PARVB: variants seen among roughly 807,000 people sequenced by gnomAD.
The protein encoded by PARVB is parvin beta.
A neutral mutation model predicts 47.0 loss-of-function variants in PARVB; 46 were observed. That is an observed-to-expected ratio of 0.98 (90% confidence interval 0.77 to 1.25). PARVB has a LOEUF of 1.25. PARVB is among the 50% of genes most tolerant of loss of function. The pLI is 0.00. For synonymous variants in PARVB, 196 were observed against 196.3 expected (o/e 1.00, Z 0.01); for missense variants, 473 against 471.6 (o/e 1.00, Z -0.03).
chr22:44,029,988 G>T (rs1234883849), intron 1 of PARVB, among the ~76,000 whole-genome samples: 1 of 152,190 alleles, frequency 6.6e-6, no homozygotes, highest in African/African-American at 2.4e-5. Context: ...AAGTTTCTTT[G>T]TGGACTTTAA....
intron 1 of PARVB, among the ~76,000 whole-genome samples, chr22:44,087,545 G>A (rs1266332216): frequency 6.6e-6 from 1 of 152,116 alleles, no homozygotes; most frequent in East Asian, 1.9e-4. Context: ...TGTGTTTTCA[G>A]ATTTCTTCTC....
rs1177301012 is a variant in PARVB, at chr22:44,169,405, G to A, written c.*727G>A. ...GGACGTTTCTTAATTTCTTGCTGTGGTTGAGGGGCTGGGTCTGGAGATGGC... is the reference window on the plus strand; with the variant it reads ...GGACGTTTCTTAATTTCTTGCTGTGATTGAGGGGCTGGGTCTGGAGATGGC... On this transcript the variant is annotated 3_prime_UTR_variant, in exon 13 of 13. Coordinates refer to ENST00000338758, the MANE Select transcript of PARVB (RefSeq NM_013327.5). 6.7e-6 allele frequency: 1 copy of A among 150,248 alleles called. No individual in the cohort carries two copies. Among genetic ancestry groups the A allele is most frequent in the Non-Finnish European group, 1.5e-5 (1 of 68,044 alleles). The allele number at this position is 150,248 out of a possible 1,614,324, so 9.3% of individuals were successfully genotyped here. A position where few individuals can be genotyped will look rare whatever the true frequency, so the allele number is the denominator to read the frequency against.
intron 1 of PARVB, among the ~76,000 whole-genome samples, chr22:44,033,986 A>G (rs2050870208): frequency 6.6e-6 from 1 of 152,012 alleles, no homozygotes; most frequent in Admixed American, 6.6e-5. Context: ...GCCCCTGACA[A>G]GGCTGGAGAA....
At chr22:44,064,819 A>C (rs976635999) in intron 1 of PARVB, among the ~76,000 whole-genome samples, 2 of 152,244 alleles carry the variant, frequency 1.3e-5, no homozygotes, top group Non-Finnish European at 2.9e-5. Flanking sequence ...GCACTAATGC[A>C]CTTCAGCCTG....
intron 1 of PARVB, among the ~76,000 whole-genome samples, chr22:44,083,880 C>G (rs1175566927): frequency 1.3e-5 from 2 of 152,142 alleles, no homozygotes; most frequent in African/African-American, 4.8e-5. Flanking sequence ...AGACAGGACT[C>G]TCTTGGTTTG....
chr22:44,077,215 G>A (rs1237057101), intron 1 of PARVB, among the ~76,000 whole-genome samples: 1 of 152,174 alleles, frequency 6.6e-6, no homozygotes, highest in East Asian at 1.9e-4. Flanking sequence ...TCCCTCCAGG[G>A]CTCCGAGAGG....
intron 9 of PARVB, chr22:44,148,615 C>G (rs558879728): frequency 1.3e-5 from 2 of 155,834 alleles, no homozygotes; most frequent in Non-Finnish European, 2.8e-5. Context: ...GAGAGTTCTC[C>G]TTTGTCTAGG....
At chr22:44,148,901 C>T (rs1428695202) in intron 9 of PARVB, 1 of 152,190 alleles carries the variant, frequency 6.6e-6, no homozygotes. Flanking sequence ...AATGGTCCTT[C>T]TGGGACAAAG....
intron 1 of PARVB, among the ~76,000 whole-genome samples, chr22:44,056,829 G>A (rs1349101380): frequency 6.6e-6 from 1 of 151,674 alleles, no homozygotes; most frequent in Non-Finnish European, 1.5e-5. Flanking sequence ...TCTCAATCAG[G>A]TAATGATGAT....
At position 44,100,028 on chromosome 22, in the gene PARVB, C is replaced by T. The variant is rs147896225; in HGVS notation, c.203-25C>T. The T allele has an allele frequency of 3.1e-4, 497 of 1,606,496 alleles. 1 individual carries two copies. In the East Asian group the frequency reaches 7.8e-3, roughly 25 times the overall value. Reference sequence around the variant, plus strand: ...CCCTGCCACCCCCACAATCGCTGACCGTGACTTCCTTTTGTCCCTGGCAGA... The same window carrying T: ...CCCTGCCACCCCCACAATCGCTGACTGTGACTTCCTTTTGTCCCTGGCAGA... On this transcript the variant is annotated intron_variant, in intron 2 of 12. Coordinates refer to ENST00000338758, the MANE Select transcript of PARVB (RefSeq NM_013327.5).
Position 44,016,868 on chromosome 22 carries a change from C to CATTTT in PARVB, c.211+17211_211+17215dup, listed in dbSNP as rs776800134. 4.6e-5 allele frequency among the ~76,000 whole-genome samples: 7 copies of CATTTT among 152,094 alleles called. No homozygotes were observed. In the East Asian group the frequency reaches 1.2e-3, roughly 25 times the overall value. On this transcript the variant is annotated intron_variant, in intron 2 of 13. Transcript: ENST00000406477. ...CGACCTGTGGCTGTTTTTACTTCCCCATTTTATTTTATTTTATTTTTTTTG... is the reference window on the plus strand; with the variant it reads ...CGACCTGTGGCTGTTTTTACTTCCCCATTTTATTTTATTTTATTTTATTTTTTTTG...
chr22:44,101,206 G>A (rs1383893023), intron 3 of PARVB, among the ~76,000 whole-genome samples: 3 of 150,732 alleles, frequency 2.0e-5, no homozygotes, highest in Non-Finnish European at 3.0e-5. Context: ...TCAGGAGATC[G>A]AGACCATCCT....
intron 1 of PARVB, among the ~76,000 whole-genome samples, chr22:44,038,675 G>A (rs1189132390): frequency 6.6e-6 from 1 of 152,048 alleles, no homozygotes; most frequent in Admixed American, 6.6e-5. Flanking sequence ...CCAGCTACTC[G>A]GGAGGCTGAG....
chr22:44,129,520 C>T (rs989874100), intron 4 of PARVB, among the ~76,000 whole-genome samples: 3 of 152,194 alleles, frequency 2.0e-5, no homozygotes, highest in Admixed American at 6.5e-5. Context: ...CCCTGGTGGG[C>T]GAGGCTCTCA....
chr22:44,059,034 T>G (rs1194122298), intron 1 of PARVB, among the ~76,000 whole-genome samples: 2 of 134,546 alleles, frequency 1.5e-5, no homozygotes, highest in Non-Finnish European at 3.1e-5. Context: ...CTGCACACCC[T>G]GTGGCTTTTT....
intron 2 of PARVB, among the ~76,000 whole-genome samples, chr22:44,011,965 G>T (rs541053604): frequency 6.6e-6 from 1 of 152,210 alleles, no homozygotes; most frequent in Non-Finnish European, 1.5e-5. Context: ...AATGGCAAAA[G>T]AAATTCAGAC....
rs372502263 is a variant in PARVB, at chr22:44,034,597, C to T, written c.112+10146C>T. ...TGGCCCATAGCTTAATTTGAAGTGT[C>T]TTCATCCCTGTCTTTTTTCTTTTTG... is the stretch of plus-strand genomic sequence containing the variant. On this transcript the variant is annotated intron_variant, in intron 1 of 12. Transcript: ENST00000338758. 2.6e-5 allele frequency among the ~76,000 whole-genome samples: 4 copies of T among 151,600 alleles called. No homozygotes were observed. The East Asian group carries it at 7.7e-4, about 29-fold the overall frequency.
chr22:44,138,908 T>C (rs2053495438), intron 7 of PARVB: 1 of 152,220 alleles, frequency 6.6e-6, no homozygotes, highest in Non-Finnish European at 1.5e-5. Flanking sequence ...AGTAAGTGCT[T>C]GTTAAATAAG....
chr22:44,127,130 C>G (rs1334617599), intron 4 of PARVB, among the ~76,000 whole-genome samples: 2 of 152,166 alleles, frequency 1.3e-5, no homozygotes, highest in African/African-American at 4.8e-5. Flanking sequence ...CTTCCTTTGG[C>G]TCAAGCAGCC....
Sources: allele counts gnomAD v4.1 joint callset (sites outside exome capture counted in the v4.1 genomes callset), GRCh38; gene constraint gnomAD v4.1.1; transcripts MANE v1.5; gene names NCBI Gene and HGNC (gene_info 2026-07-23, HGNC 2026-07-21).